HERC4: variants seen among roughly 807,000 people sequenced by gnomAD.
HERC4 encodes the protein HECT and RLD domain containing E3 ubiquitin protein ligase 4.
A neutral mutation model predicts 124.3 loss-of-function variants in HERC4; 28 were observed. The observed-to-expected ratio is 0.23, with a 90% CI of 0.17 to 0.31. The LOEUF (loss-of-function observed/expected upper bound fraction) is 0.31, where lower values mean the gene tolerates loss of function less well. Among genes scored for constraint, HERC4 ranks in the 10% least tolerant of loss-of-function variants. HERC4 has a pLI of 1.00. For missense variants in HERC4, 713 were observed against 1,229.3 expected, an observed-to-expected ratio of 0.58 and a Z score of 6.28; for synonymous variants, 407 against 421.5, an observed-to-expected ratio of 0.97 and a Z score of 0.42.
intron 15 of HERC4, among the ~76,000 whole-genome samples, chr10:67,969,233 AC>A (rs1303515841): frequency 3.3e-5 from 5 of 152,364 alleles, no homozygotes; most frequent in African/African-American, 9.6e-5. Flanking sequence ...ACAAATCCTT[AC>A]AAAAGGTAAC....
chr10:68,025,094 A>T (rs1347704607), intron 8 of HERC4, among the ~76,000 whole-genome samples: 1 of 152,082 alleles, frequency 6.6e-6, no homozygotes. Flanking sequence ...TGGGCATGGT[A>T]GTGCATGCCT....
chr10:67,990,230 CT>C lies in HERC4; in HGVS notation c.1613del (p.Lys538ArgfsTer4). The C allele has an allele frequency of 6.2e-7, 1 of 1,605,154 alleles. No individual in the cohort carries two copies. Among genetic ancestry groups the C allele is most frequent in the East Asian group, 2.2e-5 (1 of 44,678 alleles). ...PFGTALVNLEKAPLKVLENWW... is the reference protein window; with the variant it reads ...PFGTALVNLEXAPLKVLENWW... ...TCTTACCAAGTACTTTCAGTGGTGC[CT>C]TTTCTAGGTTCACAAGAGCTGTACC... On this transcript the variant is annotated frameshift_variant, in exon 14 of 25. Coordinates refer to ENST00000373700, the MANE Select transcript of HERC4 (RefSeq NM_015601.4). LOFTEE classifies it high-confidence loss of function.
intron 7 of HERC4, among the ~76,000 whole-genome samples, chr10:68,031,285 T>C (rs1362747373): frequency 6.6e-6 from 1 of 152,200 alleles, no homozygotes; most frequent in Non-Finnish European, 1.5e-5. Flanking sequence ...TTAACATTGT[T>C]AGTCTTTCTG....
chr10:67,922,713 G>A lies in HERC4; in HGVS notation c.*218C>T. ...TTCATAATACTTGCTATGTTTATTAGAAGATGGTCAAAAAAAATCCATGGT... is the reference window on the plus strand; with the variant it reads ...TTCATAATACTTGCTATGTTTATTAAAAGATGGTCAAAAAAAATCCATGGT... On this transcript the variant is annotated 3_prime_UTR_variant, in exon 25 of 25. Transcript: ENST00000373700. 2 of 343,160 alleles carry A rather than the reference G, an allele frequency of 5.8e-6. No individual in the cohort carries two copies. The highest frequency in any genetic ancestry group is 1.1e-5 in the Non-Finnish European group (2 of 187,802). 21.3% of individuals were successfully genotyped at this position (343,160 alleles called of 1,614,324 possible). A position where few individuals can be genotyped will look rare whatever the true frequency, so the allele number is the denominator to read the frequency against.
intron 16 of HERC4, chr10:67,965,916 A>G (rs2034837888): frequency 6.6e-6 from 1 of 152,228 alleles, no homozygotes; most frequent in South Asian, 2.1e-4. Context: ...TTATGTGCCT[A>G]ATTCAAGTTT....
At chr10:68,072,121 C>T (rs1281848648) in intron 3 of HERC4, among the ~76,000 whole-genome samples, 1 of 152,122 alleles carries the variant, frequency 6.6e-6, no homozygotes, top group African/African-American at 2.4e-5. Context: ...AATTTACCAC[C>T]TGAAATCATT....
At chr10:68,038,829 C>T (rs1246950431) in intron 4 of HERC4, among the ~76,000 whole-genome samples, 2 of 152,074 alleles carry the variant, frequency 1.3e-5, no homozygotes, top group African/African-American at 4.8e-5. Context: ...TTCGTAATTT[C>T]CTTCCCCCCT....
At chr10:67,954,502 A>T in intron 19 of HERC4, 93 bp downstream of exon 19, 1 of 956,724 alleles carries the variant, frequency 1.0e-6, no homozygotes, top group Non-Finnish European at 1.5e-6. Context: ...GGGATCCAGT[A>T]GTAATTCCTT....
intron 4 of HERC4, chr10:68,039,377 T>TA: frequency 6.6e-7 from 1 of 1,507,414 alleles, no homozygotes; most frequent in Non-Finnish European, 8.9e-7. Context: ...AGGTACACAA[T>TA]ATGTTTCTTA....
intron 7 of HERC4, among the ~76,000 whole-genome samples, chr10:68,026,734 T>G (rs956864728): frequency 1.3e-5 from 2 of 152,042 alleles, no homozygotes; most frequent in African/African-American, 4.8e-5. Flanking sequence ...TCCCAGCTAC[T>G]TGGGAGGCTG....
At chr10:67,957,011 G>T in intron 16 of HERC4, 35 bp from the exon 17 acceptor site, 1 of 1,230,156 alleles carries the variant, frequency 8.1e-7, no homozygotes, top group South Asian at 1.4e-5. Flanking sequence ...AGTACAAGTT[G>T]ATTTGTGATA....
At chr10:68,017,728 A>T (rs539049520) in intron 8 of HERC4, among the ~76,000 whole-genome samples, 1 of 152,282 alleles carries the variant, frequency 6.6e-6, no homozygotes, top group East Asian at 1.9e-4. Context: ...ACCTCAGGTG[A>T]TCAGTCTGCC....
intron 9 of HERC4, among the ~76,000 whole-genome samples, chr10:68,008,227 C>T (rs1424485469): frequency 6.6e-6 from 1 of 152,238 alleles, no homozygotes; most frequent in African/African-American, 2.4e-5. Context: ...ATGGCCACCA[C>T]TGCTAAGACT....
Position 67,941,031 on chromosome 10 carries a change from C to G in HERC4, c.2412G>C (p.Val804=). 3 of 1,610,842 alleles carry G rather than the reference C, an allele frequency of 1.9e-6. No individual in the cohort carries two copies. The highest frequency in any genetic ancestry group is 2.5e-6 in the Non-Finnish European group (3 of 1,178,400). ...CGLAIYNCTI[V]DLHFPLALYK... is the part of the protein sequence containing the mutation. ...ATAAAGCCAAAGGAAAATGGAGGTC[C>G]ACAATGGTACAATTATAAATTGCTA... The change falls in exon 20 of 25, where the codon GTG becomes GTC. Residue 804 remains valine, a synonymous_variant. Transcript: ENST00000373700.
At chr10:68,012,724 G>A (rs2038033417) in intron 9 of HERC4, among the ~76,000 whole-genome samples, 1 of 152,154 alleles carries the variant, frequency 6.6e-6, no homozygotes, top group Non-Finnish European at 1.5e-5. Flanking sequence ...GACACAAAGT[G>A]AGCATATATG....
intron 3 of HERC4, among the ~76,000 whole-genome samples, chr10:68,060,734 C>G (rs1261073137): frequency 6.6e-6 from 1 of 152,128 alleles, no homozygotes; most frequent in Non-Finnish European, 1.5e-5. Context: ...TAACATCAAC[C>G]ACTCAGGCTT....
At chr10:68,023,112 AC>A (rs1369342840) in intron 8 of HERC4, among the ~76,000 whole-genome samples, 5 of 152,202 alleles carry the variant, frequency 3.3e-5, no homozygotes, top group African/African-American at 1.2e-4. Flanking sequence ...CAGGGCAGTT[AC>A]TATGAGAAAC....
At chr10:67,994,427 T>A (rs940249884) in intron 9 of HERC4, 1 of 152,196 alleles carries the variant, frequency 6.6e-6, no homozygotes, top group Non-Finnish European at 1.5e-5. Flanking sequence ...TTTCCTTTTT[T>A]TATTTTTATT....
chr10:68,039,101 G>A (rs1334824655), intron 4 of HERC4, among the ~76,000 whole-genome samples: 5 of 148,796 alleles, frequency 3.4e-5, no homozygotes, highest in Non-Finnish European at 7.4e-5. Flanking sequence ...TCAGTCAGGA[G>A]TTTGAGACCA....
Sources: gnomAD v4.1 joint callset for allele counts (sites outside exome capture counted in the v4.1 genomes callset) on GRCh38, gnomAD v4.1.1 for gene constraint, MANE v1.5 for transcripts, NCBI Gene and HGNC (gene_info 2026-07-23, HGNC 2026-07-21) for gene names.